The following TRAPPC4 variants were observed in gnomAD, a reference collection of about 807,000 sequenced individuals.
TRAPPC4 encodes the protein TRS23 homolog.
In TRAPPC4, 30 loss-of-function variants were observed where a neutral mutation model predicts 23.5. The observed-to-expected ratio is 1.28, with a 90% CI of 0.96 to 1.73. The LOEUF (loss-of-function observed/expected upper bound fraction) is 1.73, where lower values mean the gene tolerates loss of function less well. TRAPPC4 is among the 40% of genes most tolerant of loss of function. TRAPPC4 has a pLI of 0.00. For synonymous variants in TRAPPC4, 129 were observed against 105.3 expected (o/e 1.23, Z -1.38); for missense variants, 252 against 268.9 (o/e 0.94, Z 0.44).
intron 4 of TRAPPC4, 52 bp from the exon 5 acceptor site, chr11:119,023,269 G>A: frequency 6.4e-7 from 1 of 1,571,408 alleles, no homozygotes; most frequent in South Asian, 1.1e-5. Flanking sequence ...GCTTAAGTGG[G>A]GAGAAAGCCT....
intron 3 of TRAPPC4, 106 bp downstream of exon 3, chr11:119,020,359 G>C: frequency 2.3e-6 from 2 of 851,480 alleles, no homozygotes; most frequent in Non-Finnish European, 3.8e-6. Flanking sequence ...TGGAGAAGGT[G>C]GGAGGAGGGG....
Position 119,020,167 on chromosome 11 carries a change from C to A in TRAPPC4, c.368C>A (p.Ser123Tyr), listed in dbSNP as rs1437544015. 1.9e-6 allele frequency: 3 copies of A among 1,613,878 alleles called. No individual in the cohort carries two copies. Among genetic ancestry groups the A allele is most frequent in the East Asian group, 2.2e-5 (1 of 44,872 alleles). Reference protein sequence around the residue: ...SMFHSLFAIGSQLSPEQGSSG... With the variant: ...SMFHSLFAIGYQLSPEQGSSG... ...GCATATAGGCTCTTTGCCATCGGCT[C>A]CCAGCTGTCTCCTGAACAGGGAAGC... Residue 123 changes from serine (S) to tyrosine (Y), a missense_variant, in exon 3 of 5, where the codon TCC becomes TAC. Transcript: ENST00000533632.
chr11:119,019,913 A>G (rs56400252), intron 2 of TRAPPC4: 2 of 445,602 alleles, frequency 4.5e-6, no homozygotes, highest in Non-Finnish European at 4.1e-6. Context: ...ACATATTCCT[A>G]GAGTATTCAT....
intron 3 of TRAPPC4, chr11:119,021,171 G>A (rs73559181): frequency 0.067 from 10,161 of 152,666 alleles, 1,106 homozygotes; most frequent in African/African-American, 0.23. Context: ...TTACAGGCAT[G>A]AGCCACCGCG....
At position 119,019,143 on chromosome 11, in the gene TRAPPC4, T is replaced by G; in HGVS notation, c.176T>G (p.Val59Gly). ...CTGACCGTTAGCTTCACCTCTGCAG[T>G]GGGTCATGCAGTGCTGGCCATCAAT... is the stretch of plus-strand genomic sequence containing the variant. Reference protein sequence around the residue: ...VAFGQRDGIRVGHAVLAINGM... With the variant: ...VAFGQRDGIRGGHAVLAINGM... Residue 59 changes from valine to glycine, a missense_variant and splice_region_variant, in exon 2 of 5, where the codon GTG becomes GGG. Val to Gly is a moderately radical substitution (Grantham distance 109). Coordinates refer to ENST00000533632, the MANE Select transcript of TRAPPC4 (RefSeq NM_016146.6). 1 of 1,613,848 alleles carries G rather than the reference T, an allele frequency of 6.2e-7. No homozygotes were observed. Among genetic ancestry groups the G allele is most frequent in the Non-Finnish European group, 8.5e-7 (1 of 1,179,836 alleles).
chr11:119,023,501 A>G lies in TRAPPC4; in HGVS notation c.*102A>G. On this transcript the variant is annotated 3_prime_UTR_variant, in exon 5 of 5. Transcript: ENST00000533632. ...CCCAGCAGCCTTGTTAGTGCACTTG[A>G]AAGTGGGAGAATGCTGACCCTGATG... 2 of 1,091,346 alleles carry G rather than the reference A, an allele frequency of 1.8e-6. No homozygotes were observed. Among genetic ancestry groups the G allele is most frequent in the Non-Finnish European group, 1.4e-6 (1 of 714,640 alleles). The allele number at this position is 1,091,346 out of a possible 1,614,324, so 67.6% of individuals were successfully genotyped here. A position where few individuals can be genotyped will look rare whatever the true frequency, so the allele number is the denominator to read the frequency against.
At chr11:119,020,376 C>T (rs974974851) in intron 3 of TRAPPC4, 123 bp downstream of exon 3, 3 of 702,932 alleles carry the variant, frequency 4.3e-6, no homozygotes, top group Non-Finnish European at 7.5e-6. Flanking sequence ...GGGGGTTGAC[C>T]AAAGACACCT....
At chr11:119,020,703 CTTTTTT>C (rs1180500800) in intron 3 of TRAPPC4, 3 of 113,016 alleles carry the variant, frequency 2.7e-5, no homozygotes, top group African/African-American at 7.2e-5. Flanking sequence ...ACCCACAGTT[CTTTTTT>C]TTTTTTTTTT....
intron 1 of TRAPPC4, 43 bp downstream of exon 1, chr11:119,019,013 G>A (rs370095987): frequency 5.6e-6 from 9 of 1,599,980 alleles, no homozygotes; most frequent in African/African-American, 2.7e-5. Flanking sequence ...GGGTGGGAGG[G>A]CCCCAGTGCT....
rs1943306528 is a variant in TRAPPC4, at chr11:119,020,085, G to A, written c.351-65G>A. 9 of 1,182,854 alleles carry A rather than the reference G, an allele frequency of 7.6e-6. No individual in the cohort carries two copies. The South Asian group carries it at 1.0e-4, about 14-fold the overall frequency. 73.3% of individuals were successfully genotyped at this position (1,182,854 alleles called of 1,614,324 possible). A position where few individuals can be genotyped will look rare whatever the true frequency, so the allele number is the denominator to read the frequency against. On this transcript the variant is annotated intron_variant, in intron 2 of 4. Coordinates refer to ENST00000533632, the MANE Select transcript of TRAPPC4 (RefSeq NM_016146.6). ...TAATGTGAACTCCTCAGCAAATAGGGACACTTCAGTGGAAGTTTGAGAAGC... is the reference window on the plus strand; with the variant it reads ...TAATGTGAACTCCTCAGCAAATAGGAACACTTCAGTGGAAGTTTGAGAAGC...
Position 119,019,274 on chromosome 11 carries a change from C to A in TRAPPC4, c.307C>A (p.Leu103Ile). The change falls in exon 2 of 5, where the codon CTC becomes ATC. Residue 103 changes from leucine to isoleucine, a missense_variant. By Grantham distance (5) the Leu-to-Ile change is conservative (BLOSUM62 2). This residue lies in a region of TRAPPC4 where 222 missense variants were observed against 217.8 expected (regional missense o/e 1.02). Transcript: ENST00000533632. ...GTCCATTCGATTTGGCCGGCCCCGCCTCACTTCTAATGAGAAGCTTATGCT... is the reference window on the plus strand; with the variant it reads ...GTCCATTCGATTTGGCCGGCCCCGCATCACTTCTAATGAGAAGCTTATGCT... ...PVSIRFGRPR[L>I]TSNEKLMLAS... is the part of the protein sequence containing the mutation. 6.2e-7 allele frequency: 1 copy of A among 1,614,178 alleles called. No homozygotes were observed. The highest frequency in any genetic ancestry group is 2.2e-5 in the East Asian group (1 of 44,882).
At position 119,018,866 on chromosome 11, in the gene TRAPPC4, C is replaced by A. The variant is rs1440345525; in HGVS notation, c.71C>A (p.Pro24Gln). Residue 24 changes from proline to glutamine, a missense_variant, in exon 1 of 5, where the codon CCA becomes CAA. This residue lies in a region of TRAPPC4 where 222 missense variants were observed against 217.8 expected (regional missense o/e 1.02). Coordinates refer to ENST00000533632, the MANE Select transcript of TRAPPC4 (RefSeq NM_016146.6). Reference protein sequence around the residue: ...GLIYQLDSYAPRAEAEKTFSY... With the variant: ...GLIYQLDSYAQRAEAEKTFSY... ...ATTTACCAGTTGGACAGCTACGCGC[C>A]ACGGGCTGAGGCTGAGAAAACTTTC... is the stretch of plus-strand genomic sequence containing the variant. 1 of 1,614,106 alleles carries A rather than the reference C, an allele frequency of 6.2e-7. No homozygotes were observed. Among genetic ancestry groups the A allele is most frequent in the Non-Finnish European group, 8.5e-7 (1 of 1,180,050 alleles).
At chr11:119,020,331 T>C (rs782562036) in intron 3 of TRAPPC4, 78 bp downstream of exon 3, 6 of 1,221,820 alleles carry the variant, frequency 4.9e-6, no homozygotes, top group Middle Eastern at 1.9e-4. Flanking sequence ...CATCTCCAGG[T>C]GGGCCAGAGG....
Position 119,023,596 on chromosome 11 carries a change from A to G in TRAPPC4, c.*197A>G. ...GTATATACCATGGTCTTACTTTCCA[A>G]CTCTGTACAGATTTATTTATGGAGG... On this transcript the variant is annotated 3_prime_UTR_variant, in exon 5 of 5. Coordinates refer to ENST00000533632, the MANE Select transcript of TRAPPC4 (RefSeq NM_016146.6). 2.1e-6 allele frequency: 1 copy of G among 478,252 alleles called. No individual in the cohort carries two copies. Among genetic ancestry groups the G allele is most frequent in the South Asian group, 3.6e-5 (1 of 28,038 alleles). The allele number at this position is 478,252 out of a possible 1,614,324, so 29.6% of individuals were successfully genotyped here.
At chr11:119,019,087 C>T in intron 1 of TRAPPC4, 56 bp from the exon 2 acceptor site, 5 of 1,597,288 alleles carry the variant, frequency 3.1e-6, no homozygotes, top group South Asian at 1.1e-5. Context: ...GTCCCTTGTC[C>T]CCTCGGCGGA....
In TRAPPC4 at chr11:119,019,282, T is replaced by C. The variant is rs782734659; in HGVS notation, c.315T>C (p.Ser105=). The C allele has an allele frequency of 2.4e-5, 38 of 1,614,074 alleles. No homozygotes were observed. Among genetic ancestry groups the C allele is most frequent in the Admixed American group, 5.0e-5 (3 of 60,006 alleles). ...GATTTGGCCGGCCCCGCCTCACTTC[T>C]AATGAGAAGCTTATGCTGGCCTCCA... ...SIRFGRPRLT[S]NEKLMLASMF... Residue 105 remains serine (S), a synonymous_variant, in exon 2 of 5, where the codon TCT becomes TCC. Coordinates refer to ENST00000533632, the MANE Select transcript of TRAPPC4 (RefSeq NM_016146.6).
At position 119,023,517 on chromosome 11, in the gene TRAPPC4, G is replaced by A; in HGVS notation, c.*118G>A. 1 of 888,218 alleles carries A rather than the reference G, an allele frequency of 1.1e-6. No individual in the cohort carries two copies. Among genetic ancestry groups the A allele is most frequent in the Non-Finnish European group, 1.8e-6 (1 of 540,988 alleles). 55.0% of individuals were successfully genotyped at this position (888,218 alleles called of 1,614,324 possible). ...GTGCACTTGAAAGTGGGAGAATGCT[G>A]ACCCTGATGACTTGTACTGATTCCT... On this transcript the variant is annotated 3_prime_UTR_variant, in exon 5 of 5. Coordinates refer to ENST00000533632, the MANE Select transcript of TRAPPC4 (RefSeq NM_016146.6).
intron 3 of TRAPPC4, 27 bp downstream of exon 3, chr11:119,020,280 AG>A (rs782767114): frequency 1.9e-6 from 3 of 1,563,972 alleles, no homozygotes; most frequent in Non-Finnish European, 2.6e-6. Flanking sequence ...AGGCCAGAGG[AG>A]TGTGATGGAG....
chr11:119,021,935 C>T (rs1000250463), intron 4 of TRAPPC4, 49 bp downstream of exon 4: 2 of 1,602,958 alleles, frequency 1.2e-6, no homozygotes, highest in African/African-American at 1.3e-5. Flanking sequence ...CTTGCCCCTC[C>T]CTGTGTGCTC....
Sources: allele counts gnomAD v4.1 joint callset, GRCh38; gene constraint gnomAD v4.1.1; regional missense constraint gnomAD v4.1.1; transcripts MANE v1.5; gene names NCBI Gene and HGNC (gene_info 2026-07-23, HGNC 2026-07-21).